RERE: variants seen among roughly 807,000 people sequenced by gnomAD.
The protein encoded by RERE is arginine-glutamic acid dipeptide repeats protein.
A neutral mutation model predicts 146.1 loss-of-function variants in RERE; 40 were observed. That is an observed-to-expected ratio of 0.27 (90% CI 0.21 to 0.36). The LOEUF is 0.36. Ranked by LOEUF, RERE falls within the 10% of genes least tolerant of loss-of-function variation. The pLI is 1.00. For synonymous variants in RERE, 1,003 were observed against 866.0 expected, an observed-to-expected ratio of 1.16 and a Z score of -2.78; for missense variants, 1,933 against 2,138.7, an observed-to-expected ratio of 0.90 and a Z score of 1.90.
chr1:8,485,983 A>G (rs574086693), intron 10 of RERE, among the ~76,000 whole-genome samples: 1 of 152,180 alleles, frequency 6.6e-6, no homozygotes, highest in Non-Finnish European at 1.5e-5. Context: ...TATTTTTAGT[A>G]GAGACGGGGT....
At chr1:8,430,618 C>G (rs1351491507) in intron 11 of RERE, among the ~76,000 whole-genome samples, 1 of 152,164 alleles carries the variant, frequency 6.6e-6, no homozygotes, top group Non-Finnish European at 1.5e-5. Flanking sequence ...CACTGACAGC[C>G]CACAGGCCAC....
chr1:8,793,836 A>G (rs1194381065), intron 1 of RERE, among the ~76,000 whole-genome samples: 1 of 151,608 alleles, frequency 6.6e-6, no homozygotes, highest in Non-Finnish European at 1.5e-5. Flanking sequence ...AGGCCAAGAC[A>G]GGTGGATCAC....
chr1:8,458,805 T>G (rs926013246), intron 11 of RERE, among the ~76,000 whole-genome samples: 6 of 152,232 alleles, frequency 3.9e-5, no homozygotes, highest in Admixed American at 6.5e-5. Flanking sequence ...GAGCCGTGGA[T>G]GTGAATGGAA....
chr1:8,359,044 A>T, intron 19 of RERE, 128 bp from the exon 20 acceptor site: 2 of 1,226,214 alleles, frequency 1.6e-6, no homozygotes, highest in Non-Finnish European at 2.2e-6. Flanking sequence ...CCCTCCACGG[A>T]GACCCGGCCC....
intron 12 of RERE, among the ~76,000 whole-genome samples, chr1:8,395,327 T>C (rs1309700846): frequency 6.6e-6 from 1 of 151,710 alleles, no homozygotes; most frequent in Non-Finnish European, 1.5e-5. Context: ...TATAAAAAAT[T>C]AGCCGGGCGT....
At chr1:8,448,921 G>A (rs1170950366) in intron 11 of RERE, among the ~76,000 whole-genome samples, 3 of 151,088 alleles carry the variant, frequency 2.0e-5, no homozygotes, top group Non-Finnish European at 2.9e-5. Context: ...TCAAACTGAA[G>A]AATGACTGGA....
At position 8,423,640 on chromosome 1, in the gene RERE, C is replaced by A. The variant is rs1402376943; in HGVS notation, c.1204-833G>T. The A allele has an allele frequency of 4.1e-6, 4 of 984,806 alleles. No individual in the cohort carries two copies. The African/African-American group carries it at 5.2e-5, about 13-fold the overall frequency. The allele number at this position is 984,806 out of a possible 1,614,324, so 61.0% of individuals were successfully genotyped here. A position where few individuals can be genotyped will look rare whatever the true frequency, so the allele number is the denominator to read the frequency against. ...GCCCGGGGTCCGGGGCGGCAAGAGG[C>A]CGTCGCCTGTCACTGGGCTCCGGCT... On this transcript the variant is annotated intron_variant, in intron 11 of 22. Coordinates refer to ENST00000400908, the MANE Select transcript of RERE (RefSeq NM_001042681.2). This position sits in a 1 kb window ranked among gnomAD's most constrained non-coding sequence, Gnocchi z 5.4.
intron 1 of RERE, among the ~76,000 whole-genome samples, chr1:8,770,558 C>T (rs1297703456): frequency 6.6e-6 from 1 of 152,054 alleles, no homozygotes; most frequent in East Asian, 1.9e-4. Context: ...TCCTCATCTG[C>T]GAAATAACTA....
intron 12 of RERE, among the ~76,000 whole-genome samples, chr1:8,390,343 G>A (rs1385978080): frequency 3.9e-5 from 6 of 152,218 alleles, no homozygotes; most frequent in Admixed American, 6.5e-5. Context: ...TTTGGAGAGT[G>A]GAAAAAACAA....
chr1:8,586,063 G>A (rs1646424059), intron 4 of RERE, among the ~76,000 whole-genome samples: 1 of 152,150 alleles, frequency 6.6e-6, no homozygotes, highest in South Asian at 2.1e-4. Context: ...AAATGCAGGG[G>A]TCAGAGGCAC....
At chr1:8,434,318 C>T (rs1462290142) in intron 11 of RERE, among the ~76,000 whole-genome samples, 2 of 152,146 alleles carry the variant, frequency 1.3e-5, no homozygotes, top group Non-Finnish European at 2.9e-5. Flanking sequence ...CCCTGCCACA[C>T]CTGCGCTATC....
intron 2 of RERE, among the ~76,000 whole-genome samples, chr1:8,637,965 A>C (rs571507875): frequency 6.6e-6 from 1 of 152,248 alleles, no homozygotes; most frequent in Non-Finnish European, 1.5e-5. Flanking sequence ...AGAACGGAGA[A>C]TATTTGGAAA....
intron 1 of RERE, among the ~76,000 whole-genome samples, chr1:8,767,217 G>T (rs1278334102): frequency 6.6e-6 from 1 of 152,112 alleles, no homozygotes; most frequent in Non-Finnish European, 1.5e-5. Context: ...ATTTTCTCTG[G>T]AAATGAGGTC....
At chr1:8,580,597 CTATT>C (rs1373896340) in intron 4 of RERE, among the ~76,000 whole-genome samples, 1 of 152,128 alleles carries the variant, frequency 6.6e-6, no homozygotes, top group Admixed American at 6.5e-5. Context: ...TTTAGATACA[CTATT>C]TAGTTTTTAT....
At chr1:8,652,328 G>A (rs532619254) in intron 2 of RERE, among the ~76,000 whole-genome samples, 11 of 152,244 alleles carry the variant, frequency 7.2e-5, no homozygotes, top group African/African-American at 2.7e-4. Context: ...TTTCTCACAT[G>A]TCACAAAGGT....
At position 8,364,815 on chromosome 1, in the gene RERE, C is replaced by G; in HGVS notation, c.1471G>C (p.Asp491His). ...TCACTGTCCTCACTGTCGAAGTCAT[C>G]TTCACTGGCTGAACTTAGGTCCACT... ...EFLDLSSASE[D>H]DFDSEDSEQE... Residue 491 changes from aspartate (D) to histidine (H), a missense_variant, in exon 14 of 23, where the codon GAT (aspartate) becomes CAT (histidine). Around this residue, in one of 11 missense-constraint regions of RERE, gnomAD observed 260 missense variants for 378.4 expected, o/e 0.69. Coordinates refer to ENST00000400908, the MANE Select transcript of RERE (RefSeq NM_001042681.2). This position sits in a 1 kb window ranked among gnomAD's most constrained non-coding sequence, Gnocchi z 5.1. 1 of 1,605,986 alleles carries G rather than the reference C, an allele frequency of 6.2e-7. No individual in the cohort carries two copies. The highest frequency in any genetic ancestry group is 1.7e-4 in the Middle Eastern group (1 of 6,032).
chr1:8,758,359 G>A lies in RERE; in HGVS notation c.-145+58801C>T, dbSNP rs534473997. ...GCCACCCAAAGTGCTGGGAACACAC[G>A]TGTGAGCCACCGTGCCTGGCCCTCA... On this transcript the variant is annotated intron_variant, in intron 1 of 22. Transcript: ENST00000400908. 5.3e-5 allele frequency among the ~76,000 whole-genome samples: 8 copies of A among 149,774 alleles called. No homozygotes were observed. In the South Asian group the frequency reaches 6.3e-4, roughly 12 times the overall value.
intron 4 of RERE, among the ~76,000 whole-genome samples, chr1:8,572,521 G>A (rs1225251820): frequency 6.6e-6 from 1 of 152,110 alleles, no homozygotes; most frequent in Non-Finnish European, 1.5e-5. Flanking sequence ...GAAATTCCTA[G>A]AACATACAAC....
At chr1:8,432,164 A>G (rs1644104445) in intron 11 of RERE, among the ~76,000 whole-genome samples, 1 of 152,182 alleles carries the variant, frequency 6.6e-6, no homozygotes, top group South Asian at 2.1e-4. Flanking sequence ...CGTCCAAACT[A>G]TCGGTCTGCT....
Sources: allele counts gnomAD v4.1 joint callset (sites outside exome capture counted in the v4.1 genomes callset), GRCh38; gene constraint gnomAD v4.1.1; regional missense constraint gnomAD v4.1.1; non-coding constraint Gnocchi (gnomAD v3.1); transcripts MANE v1.5; gene names NCBI Gene and HGNC (gene_info 2026-07-23, HGNC 2026-07-21).